The following SCFD2 variants were observed in gnomAD, a reference collection of about 807,000 sequenced individuals.
SCFD2 encodes sec1 family domain-containing protein 2.
A neutral mutation model predicts 58.9 loss-of-function variants in SCFD2; 54 were observed. The ratio of observed to expected loss-of-function variants is 0.92; its 90% CI spans 0.74 to 1.15. The LOEUF (loss-of-function observed/expected upper bound fraction) is 1.15, where lower values mean the gene tolerates loss of function less well. Ranked by LOEUF, SCFD2 falls within the 50% of genes most tolerant of loss-of-function variation. The probability of loss-of-function intolerance (pLI) is 0.00; values close to 1 mark genes in which losing one functional copy is unlikely to be tolerated. For synonymous variants in SCFD2, 321 were observed against 335.9 expected, an observed-to-expected ratio of 0.96 and a Z score of 0.49; for missense variants, 805 against 836.6, an observed-to-expected ratio of 0.96 and a Z score of 0.47.
At chr4:52,927,624 A>T (rs1719893048) in intron 5 of SCFD2, among the ~76,000 whole-genome samples, 1 of 152,242 alleles carries the variant, frequency 6.6e-6, no homozygotes, top group African/African-American at 2.4e-5. Context: ...AGTATGTGAG[A>T]ACATTTAATT....
At chr4:52,886,153 T>C (rs1718735043) in intron 7 of SCFD2, among the ~76,000 whole-genome samples, 1 of 152,232 alleles carries the variant, frequency 6.6e-6, no homozygotes, top group Admixed American at 6.5e-5. Flanking sequence ...ATTTTACATA[T>C]ACCTACCCTT....
intron 4 of SCFD2, among the ~76,000 whole-genome samples, chr4:53,224,168 A>G (rs1729129740): frequency 6.6e-6 from 1 of 152,100 alleles, no homozygotes; most frequent in Non-Finnish European, 1.5e-5. Flanking sequence ...AGGCGGGTGG[A>G]TCATGAGGTC....
chr4:53,072,085 CA>C (rs1170670835), intron 5 of SCFD2, among the ~76,000 whole-genome samples: 3 of 152,026 alleles, frequency 2.0e-5, no homozygotes, highest in Admixed American at 6.6e-5. Context: ...GCTGGTGGGA[CA>C]AAATTGCTTC....
rs181676335 is a variant in SCFD2 at position 53,024,248 on chromosome 4, A to G, written c.1562-103378T>C. Among the ~76,000 whole-genome samples the G allele has an allele frequency of 4.3e-3, 589 of 137,772 alleles. 4 individuals are homozygous for G. Among genetic ancestry groups the G allele is most frequent in the Non-Finnish European group, 4.7e-3 (313 of 67,298 alleles). The allele number at this position is 137,772 out of a possible 152,430, so 90.4% of individuals were successfully genotyped here. ...TTCTAGGCTAACATTTGGCCCCAGA[A>G]AAAATCCAAAGAAGTGGTGGCTGGC... On this transcript the variant is annotated intron_variant, in intron 5 of 8. Transcript: ENST00000401642.
At chr4:53,234,469 G>T (rs74406807) in intron 4 of SCFD2, among the ~76,000 whole-genome samples, 1 of 152,096 alleles carries the variant, frequency 6.6e-6, no homozygotes, top group African/African-American at 2.4e-5. Context: ...TAAAAAATGG[G>T]GACTGGAGGA....
At chr4:53,052,663 T>C (rs753642850) in intron 5 of SCFD2, among the ~76,000 whole-genome samples, 21 of 152,200 alleles carry the variant, frequency 1.4e-4, no homozygotes, top group African/African-American at 3.6e-4. Context: ...TTGAGACTTA[T>C]ACAATGAGCA....
chr4:53,065,503 G>A (rs537373611), intron 5 of SCFD2, among the ~76,000 whole-genome samples: 2 of 152,020 alleles, frequency 1.3e-5, no homozygotes, highest in Admixed American at 1.3e-4. Flanking sequence ...GTAACACTCT[G>A]GTTCACCTAA....
chr4:52,939,523 C>A (rs1259463002), intron 5 of SCFD2, among the ~76,000 whole-genome samples: 1 of 152,050 alleles, frequency 6.6e-6, no homozygotes, highest in Non-Finnish European at 1.5e-5. Context: ...CTGAGTCATT[C>A]TCCAAAAGGG....
At chr4:53,125,561 A>T (rs1725602267) in intron 5 of SCFD2, among the ~76,000 whole-genome samples, 1 of 152,246 alleles carries the variant, frequency 6.6e-6, no homozygotes, top group Non-Finnish European at 1.5e-5. Context: ...CCTGCTGTTG[A>T]GTAGCTAACC....
chr4:53,284,203 T>A (rs1731594991), intron 3 of SCFD2, among the ~76,000 whole-genome samples: 1 of 151,896 alleles, frequency 6.6e-6, no homozygotes, highest in Non-Finnish European at 1.5e-5. Flanking sequence ...TGGCATTTTA[T>A]GCTGGGTAGC....
intron 5 of SCFD2, among the ~76,000 whole-genome samples, chr4:53,059,456 C>G (rs1037749967): frequency 6.6e-6 from 1 of 152,132 alleles, no homozygotes; most frequent in Non-Finnish European, 1.5e-5. Context: ...GTATCCAAGG[C>G]CCTCTATGTG....
Position 53,001,193 on chromosome 4 carries a change from T to C in SCFD2, c.1562-80323A>G, listed in dbSNP as rs77977754. Reference sequence around the variant, plus strand: ...TCATGTTGTCTTTGGGGAGGGAGCATACAGTGGCTCCAGAGAACTGAAGAT... The same window carrying C: ...TCATGTTGTCTTTGGGGAGGGAGCACACAGTGGCTCCAGAGAACTGAAGAT... On this transcript the variant is annotated intron_variant, in intron 5 of 8. Transcript: ENST00000401642. Among the ~76,000 whole-genome samples, 441 of 152,260 alleles carry C rather than the reference T, an allele frequency of 2.9e-3. 2 individuals are homozygous for C. Among genetic ancestry groups the C allele is most frequent in the African/African-American group, 0.01 (426 of 41,548 alleles).
Position 53,255,197 on chromosome 4 carries a change from T to TTTTATTTATTTATTTATTTATTTA in SCFD2, c.1311+18605_1311+18628dup, listed in dbSNP as rs36000814. On this transcript the variant is annotated intron_variant, in intron 4 of 8. Transcript: ENST00000401642. ...ATACTTCCTATTCTTTTTTTTTCTT[T>TTTTATTTATTTATTTATTTATTTA]TTTATTTATTTATTTATTTATTTAT... Among the ~76,000 whole-genome samples the TTTTATTTATTTATTTATTTATTTA allele has an allele frequency of 3.1e-3, 437 of 140,650 alleles. 7 individuals carry two copies. Among genetic ancestry groups the TTTTATTTATTTATTTATTTATTTA allele is most frequent in the Admixed American group, 0.017 (232 of 13,620 alleles). The allele number at this position is 140,650 out of a possible 152,430, so 92.3% of individuals were successfully genotyped here. A position where few individuals can be genotyped will look rare whatever the true frequency, so the allele number is the denominator to read the frequency against.
In SCFD2 at chr4:53,141,158, G is replaced by A. The variant is rs138163933; in HGVS notation, c.1561+4175C>T. Among the ~76,000 whole-genome samples the A allele has an allele frequency of 4.9e-3, 745 of 152,152 alleles. 7 individuals carry two copies. The highest frequency in any genetic ancestry group is 0.017 in the African/African-American group (698 of 41,506). On this transcript the variant is annotated intron_variant, in intron 5 of 8. Transcript: ENST00000401642. ...GATTTATTTGATAAACAACATGACA[G>A]AACATTCCATAAGCCACTTTACACA...
intron 3 of SCFD2, among the ~76,000 whole-genome samples, chr4:53,292,874 TG>T (rs1731889795): frequency 6.6e-6 from 1 of 151,296 alleles, no homozygotes; most frequent in South Asian, 2.1e-4. Context: ...TGTCAGGGGT[TG>T]GGGGGCAAGA....
chr4:53,107,594 A>G (rs1327501616), intron 5 of SCFD2, among the ~76,000 whole-genome samples: 3 of 152,238 alleles, frequency 2.0e-5, no homozygotes, highest in Non-Finnish European at 4.4e-5. Context: ...CCGATTAAAC[A>G]GACTTTAAAC....
chr4:52,995,879 T>C (rs1198843223), intron 5 of SCFD2, among the ~76,000 whole-genome samples: 2 of 152,102 alleles, frequency 1.3e-5, no homozygotes, highest in East Asian at 1.9e-4. Context: ...TGGTCTAAAA[T>C]CCAGTAAAGA....
chr4:52,887,986 C>T (rs915716007), intron 7 of SCFD2, among the ~76,000 whole-genome samples: 6 of 144,592 alleles, frequency 4.1e-5, no homozygotes, highest in African/African-American at 1.6e-4. Context: ...TCTCGGCTCA[C>T]TGCAAGCTCC....
intron 1 of SCFD2, among the ~76,000 whole-genome samples, chr4:53,352,978 C>A (rs1192765204): frequency 6.6e-6 from 1 of 152,180 alleles, no homozygotes; most frequent in African/African-American, 2.4e-5. Flanking sequence ...TCCATGAGGG[C>A]AGAACTCATG....
Sources: gnomAD v4.1 joint callset for allele counts (sites outside exome capture counted in the v4.1 genomes callset) on GRCh38, gnomAD v4.1.1 for gene constraint, MANE v1.5 for transcripts, NCBI Gene and HGNC (gene_info 2026-07-23, HGNC 2026-07-21) for gene names.